Variants in SGCZ observed in about 807,000 individuals in gnomAD.
The protein encoded by SGCZ is zeta-sarcoglycan.
SGCZ carries 40 observed loss-of-function variants against 41.3 expected under a neutral mutation model. The observed-to-expected ratio is 0.97, with a 90% confidence interval of 0.75 to 1.26. The LOEUF is 1.26. Ranked by LOEUF, SGCZ falls within the 50% of genes most tolerant of loss-of-function variation. The pLI, the probability that SGCZ is intolerant of heterozygous loss-of-function variation, is 0.00. For missense variants in SGCZ, 552 were observed against 369.8 expected (o/e 1.49, Z -4.04); for synonymous variants, 206 against 137.5 (o/e 1.50, Z -3.49).
At chr8:14,492,034 G>A (rs1185030149) in intron 2 of SGCZ, among the ~76,000 whole-genome samples, 2 of 152,126 alleles carry the variant, frequency 1.3e-5, no homozygotes, top group Non-Finnish European at 2.9e-5. Context: ...AAAAATTAAT[G>A]CTGTCATTTA....
At chr8:14,180,488 C>T (rs1804686545) in intron 4 of SGCZ, among the ~76,000 whole-genome samples, 1 of 151,982 alleles carries the variant, frequency 6.6e-6, no homozygotes, top group South Asian at 2.1e-4. Context: ...CAACACTGAG[C>T]ACTAGAACAA....
At chr8:14,603,846 G>T (rs2175278) in intron 1 of SGCZ, among the ~76,000 whole-genome samples, 84,789 of 151,808 alleles carry the variant, frequency 0.56, 24,045 homozygotes, top group East Asian at 0.78. Flanking sequence ...CCTCAGAAAA[G>T]CATGCAATAG....
At chr8:14,602,137 T>C (rs997358866) in intron 1 of SGCZ, among the ~76,000 whole-genome samples, 3 of 151,596 alleles carry the variant, frequency 2.0e-5, no homozygotes, top group East Asian at 3.9e-4. Flanking sequence ...TAAAATAAAA[T>C]AATAAAATAA....
At chr8:14,328,023 T>C (rs1250706483) in intron 2 of SGCZ, among the ~76,000 whole-genome samples, 1 of 152,204 alleles carries the variant, frequency 6.6e-6, no homozygotes, top group Admixed American at 6.5e-5. Flanking sequence ...GTTGTAAATC[T>C]AATCGCACTT....
chr8:14,782,988 A>G (rs1800636118), intron 1 of SGCZ, among the ~76,000 whole-genome samples: 1 of 152,200 alleles, frequency 6.6e-6, no homozygotes, highest in Non-Finnish European at 1.5e-5. Context: ...ATAAACTTAA[A>G]TATTCTGCAG....
At chr8:14,339,455 G>C (rs1351448368) in intron 2 of SGCZ, among the ~76,000 whole-genome samples, 2 of 152,146 alleles carry the variant, frequency 1.3e-5, no homozygotes, top group South Asian at 2.1e-4. Context: ...AGTTATTGCA[G>C]GTAATGACCT....
intron 1 of SGCZ, among the ~76,000 whole-genome samples, chr8:14,682,154 A>C (rs976706759): frequency 2.0e-4 from 30 of 152,140 alleles, no homozygotes; most frequent in Non-Finnish European, 4.4e-5. Context: ...GGAAAGGTTC[A>C]GAGAATAGCC....
chr8:14,701,133 C>A (rs1006610258), intron 1 of SGCZ, among the ~76,000 whole-genome samples: 2 of 151,798 alleles, frequency 1.3e-5, no homozygotes, highest in African/African-American at 2.4e-5. Context: ...TTACATGGAT[C>A]TTGTTGCAAA....
At chr8:14,928,165 G>C (rs1193169021) in intron 1 of SGCZ, among the ~76,000 whole-genome samples, 2 of 152,152 alleles carry the variant, frequency 1.3e-5, no homozygotes, top group Admixed American at 6.6e-5. Context: ...CTCTTGCTCA[G>C]ATTATCTCTG....
intron 1 of SGCZ, among the ~76,000 whole-genome samples, chr8:15,134,990 T>C (rs1030843087): frequency 2.0e-5 from 3 of 152,200 alleles, no homozygotes; most frequent in Admixed American, 6.5e-5. Flanking sequence ...TAGCTACCAA[T>C]TTGCTAGACT....
intron 1 of SGCZ, among the ~76,000 whole-genome samples, chr8:15,234,009 G>T (rs940017513): frequency 6.6e-6 from 1 of 152,108 alleles, no homozygotes; most frequent in African/African-American, 2.4e-5. Flanking sequence ...TAATACAGGT[G>T]AATTAGTACC....
chr8:14,424,622 G>A (rs1481390082), intron 2 of SGCZ, among the ~76,000 whole-genome samples: 1 of 128,522 alleles, frequency 7.8e-6, no homozygotes, highest in Non-Finnish European at 1.6e-5. Flanking sequence ...AGCTTTTGTT[G>A]TCATTTTTAC....
chr8:14,521,054 T>A (rs572653190), intron 2 of SGCZ, among the ~76,000 whole-genome samples: 23 of 152,262 alleles, frequency 1.5e-4, no homozygotes, highest in African/African-American at 5.3e-4. Flanking sequence ...AATTCCCGTG[T>A]ACATCGTACT....
chr8:14,592,806 C>T (rs751313171), intron 1 of SGCZ, among the ~76,000 whole-genome samples: 1 of 152,130 alleles, frequency 6.6e-6, no homozygotes, highest in Non-Finnish European at 1.5e-5. Context: ...TGAAGGAAAT[C>T]AGAGTGGCTC....
chr8:14,943,679 A>G (rs184150027), intron 1 of SGCZ, among the ~76,000 whole-genome samples: 5 of 152,244 alleles, frequency 3.3e-5, no homozygotes, highest in African/African-American at 9.6e-5. Flanking sequence ...TCATCACCCA[A>G]GTAAAAAGCA....
intron 1 of SGCZ, among the ~76,000 whole-genome samples, chr8:14,574,482 G>C (rs904542816): frequency 6.6e-6 from 1 of 152,162 alleles, no homozygotes; most frequent in African/African-American, 2.4e-5. Context: ...ATCCTGCCAT[G>C]TACCAGGGAA....
intron 1 of SGCZ, among the ~76,000 whole-genome samples, chr8:14,563,589 A>G (rs1804271783): frequency 6.6e-6 from 1 of 152,240 alleles, no homozygotes; most frequent in African/African-American, 2.4e-5. Context: ...TGTGTGCCAC[A>G]GGTTTGCTTC....
intron 1 of SGCZ, among the ~76,000 whole-genome samples, chr8:14,569,917 G>A (rs747355517): frequency 9.9e-5 from 15 of 151,178 alleles, no homozygotes; most frequent in Non-Finnish European, 1.9e-4. Flanking sequence ...AAAGAAGTGA[G>A]GAGGACCAGA....
At chr8:14,292,104 G>A (rs118005316) in intron 3 of SGCZ, among the ~76,000 whole-genome samples, 5,352 of 152,078 alleles carry the variant, frequency 0.035, 135 homozygotes, top group South Asian at 0.07. Context: ...AAAATTTAGT[G>A]TTTTATTTTA....
Sources: allele counts gnomAD v4.1 joint callset (sites outside exome capture counted in the v4.1 genomes callset), GRCh38; gene constraint gnomAD v4.1.1; transcripts MANE v1.5; gene names NCBI Gene and HGNC (gene_info 2026-07-23, HGNC 2026-07-21).